TMEM232: variants seen among roughly 807,000 people sequenced by gnomAD.
TMEM232 encodes transmembrane protein 232.
Under a neutral mutation model 78.8 loss-of-function variants are expected in TMEM232, and 80 were observed. The ratio of observed to expected loss-of-function variants is 1.01; its 90% CI spans 0.85 to 1.22. The LOEUF (loss-of-function observed/expected upper bound fraction) is 1.22, where lower values mean the gene tolerates loss of function less well. Ranked by LOEUF, TMEM232 falls within the 50% of genes most tolerant of loss-of-function variation. The pLI is 0.00. For synonymous variants in TMEM232, 297 were observed against 254.3 expected (o/e 1.17, Z -1.60); for missense variants, 881 against 742.2 (o/e 1.19, Z -2.17).
chr5:110,439,980 T>G (rs1185462742), intron 12 of TMEM232, among the ~76,000 whole-genome samples: 1 of 152,162 alleles, frequency 6.6e-6, no homozygotes, highest in African/African-American at 2.4e-5. Flanking sequence ...ACAACAGGAC[T>G]GTGATGTGAC....
chr5:110,512,145 G>A (rs1008727716), intron 12 of TMEM232, among the ~76,000 whole-genome samples: 11 of 152,052 alleles, frequency 7.2e-5, no homozygotes. Flanking sequence ...GAATATGTGT[G>A]GTTTTAATTA....
At chr5:110,679,573 T>A (rs143913047) in intron 1 of TMEM232, among the ~76,000 whole-genome samples, 1 of 152,160 alleles carries the variant, frequency 6.6e-6, no homozygotes, top group Admixed American at 6.5e-5. Context: ...GTATTTGGTG[T>A]CATATCTAAA....
intron 7 of TMEM232, among the ~76,000 whole-genome samples, chr5:110,622,856 G>T (rs141514466): frequency 9.0e-4 from 135 of 150,132 alleles, no homozygotes; most frequent in African/African-American, 3.2e-3. Context: ...GTGTGGGGAG[G>T]GGGGAGGGAT....
intron 1 of TMEM232, among the ~76,000 whole-genome samples, chr5:110,712,873 A>C (rs750889991): frequency 4.6e-5 from 7 of 152,154 alleles, no homozygotes; most frequent in Non-Finnish European, 1.0e-4. Context: ...AACTAAAAAT[A>C]GAGCTACCAT....
intron 1 of TMEM232, among the ~76,000 whole-genome samples, chr5:110,712,694 G>C (rs1796615927): frequency 6.6e-6 from 1 of 151,908 alleles, no homozygotes; most frequent in Non-Finnish European, 1.5e-5. Context: ...GTTTTGTATA[G>C]CCCACTCGAG....
chr5:110,562,913 A>ATTGT (rs1356398416), intron 11 of TMEM232, among the ~76,000 whole-genome samples: 2 of 152,024 alleles, frequency 1.3e-5, no homozygotes, highest in East Asian at 3.9e-4. Context: ...CATATAGTCT[A>ATTGT]TTAATAATCC....
At chr5:110,556,048 G>C (rs1044258249) in intron 11 of TMEM232, among the ~76,000 whole-genome samples, 2 of 152,178 alleles carry the variant, frequency 1.3e-5, no homozygotes, top group South Asian at 4.1e-4. Context: ...TTGTTCTGTA[G>C]TCTTGATAGT....
At chr5:110,518,387 T>C (rs1404623756) in intron 12 of TMEM232, among the ~76,000 whole-genome samples, 1 of 152,214 alleles carries the variant, frequency 6.6e-6, no homozygotes, top group East Asian at 1.9e-4. Context: ...CTTCCATGTC[T>C]GTCCTTCGGA....
At position 110,595,289 on chromosome 5, in the gene TMEM232, A is replaced by C. The variant is rs569696685; in HGVS notation, c.1276+9820T>G. ...CAAAAGGCATCAGCATCAAAGATCA[A>C]AGGTAGATAAATTCACAAAGATGAG... On this transcript the variant is annotated intron_variant, in intron 10 of 13. Coordinates refer to ENST00000455884, the MANE Select transcript of TMEM232 (RefSeq NM_001039763.4). Among the ~76,000 whole-genome samples the C allele has an allele frequency of 1.4e-4, 21 of 152,318 alleles. 1 individual carries two copies. The highest frequency in any genetic ancestry group is 4.6e-4 in the Admixed American group (7 of 15,292).
intron 5 of TMEM232, among the ~76,000 whole-genome samples, chr5:110,629,461 T>C (rs1380626441): frequency 1.3e-5 from 2 of 152,084 alleles, no homozygotes; most frequent in African/African-American, 4.8e-5. Flanking sequence ...TACCTTTCCA[T>C]ATTGTATACT....
chr5:110,522,143 T>C (rs188256825), intron 12 of TMEM232, among the ~76,000 whole-genome samples: 1 of 151,440 alleles, frequency 6.6e-6, no homozygotes, highest in Non-Finnish European at 1.5e-5. Flanking sequence ...TACATCCTTA[T>C]TTAAGTTTAT....
At chr5:110,390,463 G>A (rs1264248988) in exon 4 of TMEM232, 2 of 152,150 alleles carry the variant, frequency 1.3e-5, no homozygotes, top group African/African-American at 4.8e-5. Flanking sequence ...TTTTACATGG[G>A]AAAATCTGAG....
At chr5:110,460,380 C>G (rs1393329037) in intron 12 of TMEM232, among the ~76,000 whole-genome samples, 1 of 151,828 alleles carries the variant, frequency 6.6e-6, no homozygotes. Context: ...ATTTGTGAAT[C>G]TGGGAAAAGG....
chr5:110,461,037 C>G (rs1178176538), intron 12 of TMEM232, among the ~76,000 whole-genome samples: 3 of 151,926 alleles, frequency 2.0e-5, no homozygotes, highest in Admixed American at 2.0e-4. Flanking sequence ...TTAATAATCC[C>G]ACAATGGCCT....
chr5:110,667,421 C>A, intron 1 of TMEM232, 57 bp from the exon 2 acceptor site: 2 of 1,284,224 alleles, frequency 1.6e-6, no homozygotes, highest in Non-Finnish European at 2.1e-6. Flanking sequence ...TATCAAACAA[C>A]ATGTTATGCA....
At chr5:110,612,529 G>T (rs1006361605) in intron 8 of TMEM232, among the ~76,000 whole-genome samples, 1 of 152,088 alleles carries the variant, frequency 6.6e-6, no homozygotes, top group Non-Finnish European at 1.5e-5. Flanking sequence ...TAATTAGTAG[G>T]ATCAAGGATA....
At chr5:110,442,873 A>G (rs1200554446) in intron 12 of TMEM232, among the ~76,000 whole-genome samples, 1 of 152,210 alleles carries the variant, frequency 6.6e-6, no homozygotes, top group Non-Finnish European at 1.5e-5. Context: ...GATAAAATCC[A>G]GATGACCTCT....
chr5:110,523,647 T>C (rs373303830), intron 12 of TMEM232, among the ~76,000 whole-genome samples: 1 of 152,076 alleles, frequency 6.6e-6, no homozygotes, highest in Non-Finnish European at 1.5e-5. Flanking sequence ...TTCTCAAAAG[T>C]GTGTTGTTTA....
chr5:110,565,117 T>G (rs1029918029), intron 11 of TMEM232, among the ~76,000 whole-genome samples: 4 of 152,128 alleles, frequency 2.6e-5, no homozygotes, highest in African/African-American at 7.2e-5. Context: ...ACATTTGCTG[T>G]TGAATTTTTT....
Sources: gnomAD v4.1 joint callset for allele counts (sites outside exome capture counted in the v4.1 genomes callset) on GRCh38, gnomAD v4.1.1 for gene constraint, MANE v1.5 for transcripts, NCBI Gene and HGNC (gene_info 2026-07-23, HGNC 2026-07-21) for gene names.